The following ZSCAN31 variants were observed in gnomAD, a reference collection of about 807,000 sequenced individuals.
ZSCAN31 encodes zinc finger and SCAN domain containing 31.
ZSCAN31 carries 14 observed loss-of-function variants against 22.5 expected under a neutral mutation model. The ratio of observed to expected loss-of-function variants is 0.62; its 90% confidence interval spans 0.41 to 0.97. The LOEUF (loss-of-function observed/expected upper bound fraction) is 0.97, where lower values mean the gene tolerates loss of function less well. Among genes scored for constraint, ZSCAN31 ranks in the 50% least tolerant of loss-of-function variants. The probability of loss-of-function intolerance (pLI) is 0.00; values close to 1 mark genes in which losing one functional copy is unlikely to be tolerated. For missense variants in ZSCAN31, 424 were observed against 483.4 expected, an observed-to-expected ratio of 0.88 and a Z score of 1.15; for synonymous variants, 168 against 169.8, an observed-to-expected ratio of 0.99 and a Z score of 0.08.
chr6:28,329,765 T>G lies in ZSCAN31; in HGVS notation c.-82A>C, dbSNP rs1763602685. The G allele has an allele frequency of 6.7e-7, 1 of 1,488,746 alleles. No individual in the cohort carries two copies. Among genetic ancestry groups the G allele is most frequent in the Non-Finnish European group, 9.0e-7 (1 of 1,112,718 alleles). 92.2% of individuals were successfully genotyped at this position (1,488,746 alleles called of 1,614,324 possible). On this transcript the variant is annotated 5_prime_UTR_variant, in exon 2 of 4. Coordinates refer to ENST00000344279, the MANE Select transcript of ZSCAN31 (RefSeq NM_030899.5). The stretch of plus-strand genomic sequence containing the variant: ...TTAAAATTTTCTGATTTAATCTTCC[T>G]TAGGAGAAGACACCTGATGATAGAG...
At chr6:28,336,328 G>A (rs1004664004), upstream of ZSCAN31, 1 of 152,274 alleles carries the variant, frequency 6.6e-6, no homozygotes, top group Non-Finnish European at 1.5e-5. Context: ...TTTCTATGGG[G>A]AGCGGCCCCC....
At chr6:28,355,663 C>A (rs1036196017), upstream of ZSCAN31, 2 of 152,238 alleles carry the variant, frequency 1.3e-5, no homozygotes, top group Non-Finnish European at 2.9e-5. Flanking sequence ...GGCTGCGTTG[C>A]TGCTTCTAAA....
intron 3 of ZSCAN31, 63 bp from the exon 4 acceptor site, chr6:28,326,917 G>T: frequency 7.3e-7 from 1 of 1,379,222 alleles, no homozygotes; most frequent in Non-Finnish European, 9.9e-7. Context: ...ACAATCATAG[G>T]ATGGAAATAG....
chr6:28,338,906 G>A (rs1209468882), upstream of ZSCAN31, among the ~76,000 whole-genome samples: 2 of 152,156 alleles, frequency 1.3e-5, no homozygotes, highest in Non-Finnish European at 2.9e-5. Flanking sequence ...TTTCAATTAT[G>A]AGCTACAAGA....
rs769292625 is a variant in ZSCAN31, at chr6:28,347,748, A to G, written c.-370-5956T>C. Among the ~76,000 whole-genome samples, 2 of 145,054 alleles carry G rather than the reference A, an allele frequency of 1.4e-5. No homozygotes were observed. Among genetic ancestry groups the G allele is most frequent in the Non-Finnish European group, 3.0e-5 (2 of 66,520 alleles). On this transcript the variant is annotated intron_variant, in intron 2 of 7. Coordinates refer to the ZSCAN31 transcript ENST00000396838. The surrounding 1 kb of genome is among the most constrained non-coding windows in gnomAD (Gnocchi z 5.2). Reference sequence around the variant, plus strand: ...GTACAAGAGCTCCTACAGGGTAAGTACTTTGAAGCTGCTGGGCCAATGTGT... The same window carrying G: ...GTACAAGAGCTCCTACAGGGTAAGTGCTTTGAAGCTGCTGGGCCAATGTGT...
In ZSCAN31 at chr6:28,329,504, G is replaced by A; in HGVS notation, c.180C>T (p.Leu60=). Residue 60 remains leucine (L), a synonymous_variant, in exon 2 of 4, where the codon CTC becomes CTT. Coordinates refer to ENST00000344279, the MANE Select transcript of ZSCAN31 (RefSeq NM_030899.5). ...TPGPREALSR[L]RELCHQWLRP... Reference sequence around the variant, plus strand: ...TTAGCCACTGATGACAGAGTTCTCGGAGCCGGCTCAGAGCTTCTCGGGGAC... The same window carrying A: ...TTAGCCACTGATGACAGAGTTCTCGAAGCCGGCTCAGAGCTTCTCGGGGAC... 6.2e-7 allele frequency: 1 copy of A among 1,614,208 alleles called. No homozygotes were observed. The highest frequency in any genetic ancestry group is 1.1e-5 in the South Asian group (1 of 91,074).
At chr6:28,338,383 G>A (rs897912540), upstream of ZSCAN31, among the ~76,000 whole-genome samples, 6 of 151,988 alleles carry the variant, frequency 3.9e-5, no homozygotes, top group East Asian at 7.7e-4. Flanking sequence ...ATCCCATCTC[G>A]AAAAATAAAT....
At chr6:28,343,522 TTTTC>T (rs1561922484) in intron 2 of ZSCAN31, among the ~76,000 whole-genome samples, 1 of 149,404 alleles carries the variant, frequency 6.7e-6, no homozygotes, top group Non-Finnish European at 1.5e-5. Context: ...GCATATTTTC[TTTTC>T]TTTTTTTTTT....
In ZSCAN31 at chr6:28,326,114, A is replaced by T; in HGVS notation, c.*52T>A. 6.7e-7 allele frequency: 1 copy of T among 1,493,094 alleles called. No homozygotes were observed. The highest frequency in any genetic ancestry group is 9.1e-7 in the Non-Finnish European group (1 of 1,103,174). 92.5% of individuals were successfully genotyped at this position (1,493,094 alleles called of 1,614,324 possible). On this transcript the variant is annotated 3_prime_UTR_variant, in exon 4 of 4. Transcript: ENST00000344279. ...CTGCTGGAACAGTATGGATTCTAAA[A>T]TGCCTAATAAGGTTGCAATGATGAC...
In ZSCAN31 at chr6:28,331,602, TTTTACTCCTTACTG is replaced by T. The variant is rs1397097640; in HGVS notation, c.-95-1838_-95-1825del. ...AATGTCTAATGCCAAATGTATATCT[TTTTACTCCTTACTG>T]TAGCATCTGGTAATTTGGTTTGTTG... On this transcript the variant is annotated intron_variant, in intron 1 of 3. Transcript: ENST00000344279. This position sits in a 1 kb window ranked among gnomAD's most constrained non-coding sequence, Gnocchi z 4.8. Among the ~76,000 whole-genome samples, 1 of 141,792 alleles carries T rather than the reference TTTTACTCCTTACTG, an allele frequency of 7.1e-6. No homozygotes were observed. The highest frequency in any genetic ancestry group is 3.0e-5 in the African/African-American group (1 of 33,260). The allele number at this position is 141,792 out of a possible 152,430, so 93.0% of individuals were successfully genotyped here. A position where few individuals can be genotyped will look rare whatever the true frequency, so the allele number is the denominator to read the frequency against.
At chr6:28,354,060 G>GGCTCT (rs1481371799) in intron 1 of ZSCAN31, 3 of 413,616 alleles carry the variant, frequency 7.3e-6, no homozygotes, top group Non-Finnish European at 1.5e-5. Flanking sequence ...CTCAGCAAAC[G>GGCTCT]GCTCTGTGGC....
Position 28,326,866 on chromosome 6 carries a change from A to C in ZSCAN31, c.533-12T>G. On this transcript the variant is annotated splice_polypyrimidine_tract_variant and intron_variant, in intron 3 of 3. Transcript: ENST00000344279. ...TATACTTTCACCATCTGGAATAATA[A>C]ATGGACCAAACAATGTAATCTCTTT... 1 of 1,591,646 alleles carries C rather than the reference A, an allele frequency of 6.3e-7. No homozygotes were observed.
At chr6:28,353,948 C>T (rs1281815814) in exon 2 of ZSCAN31, 13 of 454,958 alleles carry the variant, frequency 2.9e-5, no homozygotes, top group South Asian at 1.2e-4. Flanking sequence ...AAAGAACACT[C>T]GGGGCTGTAG....
intron 2 of ZSCAN31, among the ~76,000 whole-genome samples, chr6:28,343,107 C>T (rs1296661854): frequency 2.0e-5 from 3 of 152,152 alleles, no homozygotes; most frequent in African/African-American, 7.2e-5. Flanking sequence ...AGATAAGGCT[C>T]ATAGTGGGTC....
chr6:28,329,748 TTC>T lies in ZSCAN31; in HGVS notation c.-67_-66del, dbSNP rs1460024351. 1.3e-6 allele frequency: 2 copies of T among 1,519,704 alleles called. No individual in the cohort carries two copies. Among genetic ancestry groups the T allele is most frequent in the Non-Finnish European group, 1.8e-6 (2 of 1,136,120 alleles). The allele number at this position is 1,519,704 out of a possible 1,614,324, so 94.1% of individuals were successfully genotyped here. A position where few individuals can be genotyped will look rare whatever the true frequency, so the allele number is the denominator to read the frequency against. On this transcript the variant is annotated 5_prime_UTR_variant, in exon 2 of 4. Coordinates refer to ENST00000344279, the MANE Select transcript of ZSCAN31 (RefSeq NM_030899.5). ...AAAGGGATAACTGTGATTTAAAATTTTCTGATTTAATCTTCCTTAGGAGAAGA... is the reference window on the plus strand; with the variant it reads ...AAAGGGATAACTGTGATTTAAAATTTTGATTTAATCTTCCTTAGGAGAAGA...
intron 3 of ZSCAN31, 124 bp downstream of exon 3, chr6:28,327,259 A>C: frequency 1.7e-6 from 2 of 1,162,352 alleles, no homozygotes; most frequent in African/African-American, 1.5e-5. Flanking sequence ...CCATTGTCAC[A>C]GAACTATTAA....
At chr6:28,350,695 G>A (rs1160573535) in intron 2 of ZSCAN31, among the ~76,000 whole-genome samples, 1 of 152,144 alleles carries the variant, frequency 6.6e-6, no homozygotes, top group Non-Finnish European at 1.5e-5. Context: ...ATTAGTGACT[G>A]GCTTTTGTAC....
chr6:28,341,146 A>G (rs1764395310), upstream of ZSCAN31, among the ~76,000 whole-genome samples: 1 of 152,206 alleles, frequency 6.6e-6, no homozygotes, highest in Non-Finnish European at 1.5e-5. Context: ...TCCTTATGAG[A>G]ATTCCAGAAT....
At chr6:28,326,986 G>A in intron 3 of ZSCAN31, 132 bp from the exon 4 acceptor site, 2 of 964,840 alleles carry the variant, frequency 2.1e-6, no homozygotes, top group Non-Finnish European at 3.0e-6. Context: ...TAAGGAGCAG[G>A]TTGGGTTAAA....
Sources: allele counts gnomAD v4.1 joint callset (sites outside exome capture counted in the v4.1 genomes callset), GRCh38; gene constraint gnomAD v4.1.1; non-coding constraint Gnocchi (gnomAD v3.1); transcripts MANE v1.5; gene names NCBI Gene and HGNC (gene_info 2026-07-23, HGNC 2026-07-21).